Variants in P3H2 observed in about 807,000 individuals in gnomAD.
P3H2 encodes prolyl 3-hydroxylase 2, also known as leprecan-like 1.
Under a neutral mutation model 87.0 loss-of-function variants are expected in P3H2, and 80 were observed. That is an observed-to-expected ratio of 0.92 (90% confidence interval 0.77 to 1.11). The LOEUF (loss-of-function observed/expected upper bound fraction) is 1.11, where lower values mean the gene tolerates loss of function less well. Among genes scored for constraint, P3H2 ranks in the 50% least tolerant of loss-of-function variants. The pLI is 0.00. For synonymous variants in P3H2, 367 were observed against 359.3 expected, an observed-to-expected ratio of 1.02 and a Z score of -0.24; for missense variants, 1,001 against 923.9, an observed-to-expected ratio of 1.08 and a Z score of -1.08.
chr3:190,042,633 C>G (rs189406449), intron 1 of P3H2, among the ~76,000 whole-genome samples: 14 of 152,120 alleles, frequency 9.2e-5, no homozygotes, highest in Non-Finnish European at 1.8e-4. Context: ...AATAAAAGTA[C>G]AGTATGTTCT....
chr3:190,011,727 C>A (rs1166813807), intron 1 of P3H2, among the ~76,000 whole-genome samples: 1 of 152,078 alleles, frequency 6.6e-6, no homozygotes, highest in East Asian at 1.9e-4. Context: ...TTCTAATGGG[C>A]ATAGATTAAC....
intron 10 of P3H2, 105 bp downstream of exon 10, chr3:189,973,804 G>A (rs1299330368): frequency 7.3e-5 from 62 of 850,862 alleles, no homozygotes; most frequent in South Asian, 1.8e-4. Context: ...GATTACAGGC[G>A]TGAGCCACTG....
In P3H2 at chr3:189,970,191, AATATATATATATATAT is replaced by A. The variant is rs71175322; in HGVS notation, c.1893+609_1893+624del. On this transcript the variant is annotated intron_variant, in intron 13 of 14. Coordinates refer to ENST00000319332, the MANE Select transcript of P3H2 (RefSeq NM_018192.4). Reference sequence around the variant, plus strand: ...ATCTCTCTATGCATATATATATGCAAATATATATATATATATATATATATATATATATGAGGCCATG... The same window carrying A: ...ATCTCTCTATGCATATATATATGCAAATATATATATATATATGAGGCCATG... 6.3e-3 allele frequency among the ~76,000 whole-genome samples: 340 copies of A among 53,962 alleles called. 14 individuals carry two copies. Among genetic ancestry groups the A allele is most frequent in the Middle Eastern group, 0.011 (1 of 92 alleles). 35.4% of individuals were successfully genotyped at this position (53,962 alleles called of 152,430 possible).
intron 1 of P3H2, among the ~76,000 whole-genome samples, chr3:190,086,799 G>T (rs949065090): frequency 6.6e-6 from 1 of 152,288 alleles, no homozygotes. Context: ...TCCAGGCATT[G>T]TGTTGGAAAG....
chr3:190,075,788 G>A (rs1368628988), intron 1 of P3H2, among the ~76,000 whole-genome samples: 1 of 152,104 alleles, frequency 6.6e-6, no homozygotes, highest in Non-Finnish European at 1.5e-5. Flanking sequence ...AGATAGGTCG[G>A]GTCAGATCTT....
Position 189,957,762 on chromosome 3 carries a change from G to C in P3H2, c.*150C>G. 1 of 649,620 alleles carries C rather than the reference G, an allele frequency of 1.5e-6. No homozygotes were observed. The highest frequency in any genetic ancestry group is 2.7e-5 in the East Asian group (1 of 36,674). The allele number at this position is 649,620 out of a possible 1,614,324, so 40.2% of individuals were successfully genotyped here. ...AACAAGAAAGATAGATTGATAGATT[G>C]AGGCAACACAAGCATCCTTAGGAAG... On this transcript the variant is annotated 3_prime_UTR_variant, in exon 15 of 15. Transcript: ENST00000319332.
intron 1 of P3H2, among the ~76,000 whole-genome samples, chr3:190,117,174 T>C (rs895375284): frequency 1.3e-5 from 2 of 152,228 alleles, no homozygotes; most frequent in African/African-American, 4.8e-5. Context: ...TATGTGACAC[T>C]GAGCAAACCT....
intron 14 of P3H2, among the ~76,000 whole-genome samples, chr3:189,960,727 A>G (rs1288733307): frequency 6.6e-6 from 1 of 152,234 alleles, no homozygotes; most frequent in African/African-American, 2.4e-5. Flanking sequence ...CATTCCCCAT[A>G]GGCGGTCTTT....
chr3:189,989,454 G>A (rs1311635820), intron 3 of P3H2, among the ~76,000 whole-genome samples: 1 of 152,154 alleles, frequency 6.6e-6, no homozygotes, highest in Non-Finnish European at 1.5e-5. Flanking sequence ...TCAGATGCTA[G>A]TAAATGTTAA....
At chr3:190,107,201 G>A (rs532138361) in intron 1 of P3H2, among the ~76,000 whole-genome samples, 9 of 152,208 alleles carry the variant, frequency 5.9e-5, no homozygotes, top group East Asian at 1.9e-4. Flanking sequence ...AACATTTTTC[G>A]TTATTAGTTT....
chr3:190,099,923 C>T (rs115688766), intron 1 of P3H2, among the ~76,000 whole-genome samples: 1 of 152,050 alleles, frequency 6.6e-6, no homozygotes, highest in African/African-American at 2.4e-5. Context: ...TTCTTCAGAA[C>T]CCTGACACTG....
chr3:190,004,894 A>C (rs1343957457), intron 1 of P3H2, among the ~76,000 whole-genome samples: 1 of 152,204 alleles, frequency 6.6e-6, no homozygotes, highest in East Asian at 1.9e-4. Flanking sequence ...CTACAGCTAA[A>C]AGTCAGCTTC....
rs536516224 is a variant in P3H2, at chr3:190,117,094, T to C, written c.480+3158A>G. Among the ~76,000 whole-genome samples, 34 of 152,370 alleles carry C rather than the reference T, an allele frequency of 2.2e-4. 1 individual carries two copies. The highest frequency in any genetic ancestry group is 6.7e-4 in the African/African-American group (28 of 41,594). On this transcript the variant is annotated intron_variant, in intron 1 of 14. Coordinates refer to ENST00000319332, the MANE Select transcript of P3H2 (RefSeq NM_018192.4). ...ACAGGAAAGCTATCGGAATCAGTTA[T>C]TGGAAGAATCCAGACTCCTGACTCC...
At chr3:190,099,937 T>C (rs1405388320) in intron 1 of P3H2, among the ~76,000 whole-genome samples, 1 of 152,136 alleles carries the variant, frequency 6.6e-6, no homozygotes, top group Non-Finnish European at 1.5e-5. Flanking sequence ...GACACTGCTA[T>C]AAAATACCAC....
intron 1 of P3H2, among the ~76,000 whole-genome samples, chr3:190,025,837 T>A (rs2108943856): frequency 6.6e-6 from 1 of 152,270 alleles, no homozygotes; most frequent in East Asian, 1.9e-4. Flanking sequence ...TATCTGTAAA[T>A]CAAGAGCAGA....
intron 1 of P3H2, among the ~76,000 whole-genome samples, chr3:190,074,052 A>C (rs140371900): frequency 6.6e-6 from 1 of 152,342 alleles, no homozygotes; most frequent in African/African-American, 2.4e-5. Context: ...TTAAACTGTA[A>C]GTTAGGACAC....
At chr3:190,016,474 C>T (rs1389203122) in intron 1 of P3H2, among the ~76,000 whole-genome samples, 1 of 152,104 alleles carries the variant, frequency 6.6e-6, no homozygotes, top group Non-Finnish European at 1.5e-5. Flanking sequence ...GAACTCCTGA[C>T]CTCAGGTGAT....
At chr3:190,113,517 C>T (rs1374248496) in intron 1 of P3H2, among the ~76,000 whole-genome samples, 1 of 152,162 alleles carries the variant, frequency 6.6e-6, no homozygotes, top group Non-Finnish European at 1.5e-5. Context: ...TCTAAGAAAT[C>T]CACAGTTTAC....
chr3:190,027,566 A>G (rs2108944883), intron 1 of P3H2, among the ~76,000 whole-genome samples: 1 of 152,176 alleles, frequency 6.6e-6, no homozygotes, highest in South Asian at 2.1e-4. Flanking sequence ...TTGTATTTTC[A>G]CTAAAATAAA....
Sources: allele counts gnomAD v4.1 joint callset (sites outside exome capture counted in the v4.1 genomes callset), GRCh38; gene constraint gnomAD v4.1.1; transcripts MANE v1.5; gene names NCBI Gene and HGNC (gene_info 2026-07-23, HGNC 2026-07-21).